CTNNA3: variants seen among roughly 807,000 people sequenced by gnomAD.
CTNNA3 encodes catenin alpha 3.
CTNNA3 carries 76 observed loss-of-function variants against 95.7 expected under a neutral mutation model. That is an observed-to-expected ratio of 0.79 (90% CI 0.66 to 0.96). The LOEUF is 0.96. CTNNA3 is among the 40% of genes least tolerant of loss of function. The probability of loss-of-function intolerance (pLI) is 0.00; values close to 1 mark genes in which losing one functional copy is unlikely to be tolerated. For synonymous variants in CTNNA3, 431 were observed against 374.4 expected (o/e 1.15, Z -1.74); for missense variants, 1,191 against 1,089.8 (o/e 1.09, Z -1.31).
chr10:65,931,653 T>C (rs944347606), intron 17 of CTNNA3, among the ~76,000 whole-genome samples: 7 of 152,196 alleles, frequency 4.6e-5, no homozygotes, highest in African/African-American at 1.4e-4. Context: ...TGGAGAAGTG[T>C]CTGTGATCGG....
chr10:66,120,107 TCTTC>T (rs2082515119), intron 13 of CTNNA3, among the ~76,000 whole-genome samples: 2 of 152,220 alleles, frequency 1.3e-5, no homozygotes, highest in African/African-American at 4.8e-5. Flanking sequence ...AAAAATTTTA[TCTTC>T]CTTCTCTTTT....
intron 9 of CTNNA3, among the ~76,000 whole-genome samples, chr10:66,639,297 C>T (rs2132372604): frequency 6.6e-6 from 1 of 152,202 alleles, no homozygotes; most frequent in Middle Eastern, 3.4e-3. Context: ...TTTATTATTT[C>T]AAGATCTGCA....
intron 7 of CTNNA3, among the ~76,000 whole-genome samples, chr10:67,015,764 G>A (rs997156364): frequency 6.6e-6 from 1 of 151,112 alleles, no homozygotes; most frequent in Non-Finnish European, 1.5e-5. Flanking sequence ...CCTATTCTTA[G>A]GATCACCAAT....
intron 13 of CTNNA3, among the ~76,000 whole-genome samples, chr10:66,203,177 C>A (rs1316160437): frequency 6.6e-6 from 1 of 152,104 alleles, no homozygotes; most frequent in African/African-American, 2.4e-5. Context: ...TATGGCCACA[C>A]TTGAAAAGGT....
intron 13 of CTNNA3, among the ~76,000 whole-genome samples, chr10:66,159,626 G>GTTT (rs34684370): frequency 6.1e-5 from 7 of 114,930 alleles, no homozygotes; most frequent in South Asian, 2.9e-4. Flanking sequence ...TTTGTTTTCT[G>GTTT]TTTTTTTTTT....
chr10:67,189,606 A>T (rs1024492985), intron 6 of CTNNA3, among the ~76,000 whole-genome samples: 4 of 138,296 alleles, frequency 2.9e-5, no homozygotes, highest in African/African-American at 5.5e-5. Flanking sequence ...TCACTAATTT[A>T]AAAAATTTTA....
intron 7 of CTNNA3, among the ~76,000 whole-genome samples, chr10:67,014,824 A>T (rs1252411870): frequency 6.6e-6 from 1 of 152,146 alleles, no homozygotes; most frequent in Non-Finnish European, 1.5e-5. Flanking sequence ...AAACATAGCT[A>T]AATGTTTACC....
intron 9 of CTNNA3, among the ~76,000 whole-genome samples, chr10:66,758,761 C>T (rs947901962): frequency 2.6e-5 from 4 of 152,062 alleles, no homozygotes; most frequent in Admixed American, 6.6e-5. Context: ...ATAGTGAAAC[C>T]TCATCTCTAC....
At position 66,605,791 on chromosome 10, in the gene CTNNA3, A is replaced by C. The variant is rs370582862; in HGVS notation, c.1374+15901T>G. 5.3e-5 allele frequency among the ~76,000 whole-genome samples: 8 copies of C among 152,312 alleles called. No individual in the cohort carries two copies. The East Asian group carries it at 1.4e-3, about 26-fold the overall frequency. ...TGTGTTGCCACCAGACCTGCCTTAC[A>C]AGAGCTTCTGAAGGAAGCACTAAAT... On this transcript the variant is annotated intron_variant, in intron 10 of 17. Transcript: ENST00000433211.
intron 7 of CTNNA3, among the ~76,000 whole-genome samples, chr10:67,074,586 G>C (rs1170392323): frequency 6.6e-6 from 1 of 151,440 alleles, no homozygotes; most frequent in Non-Finnish European, 1.5e-5. Context: ...TCCTGACCTT[G>C]TAATCCACCC....
intron 1 of CTNNA3, among the ~76,000 whole-genome samples, chr10:67,657,427 AG>A (rs1268305697): frequency 6.6e-6 from 1 of 152,220 alleles, no homozygotes; most frequent in Admixed American, 6.5e-5. Flanking sequence ...TAGACTAGAA[AG>A]AGGTAGGTTG....
At chr10:67,497,263 C>T (rs1432338325) in intron 5 of CTNNA3, among the ~76,000 whole-genome samples, 2 of 152,196 alleles carry the variant, frequency 1.3e-5, no homozygotes, top group Non-Finnish European at 2.9e-5. Context: ...GACGTGAACT[C>T]ATCCTTTTTT....
chr10:67,617,477 T>C (rs1383897477), intron 2 of CTNNA3, among the ~76,000 whole-genome samples: 1 of 152,198 alleles, frequency 6.6e-6, no homozygotes, highest in Non-Finnish European at 1.5e-5. Context: ...GGTGTATATA[T>C]GCCACATTTT....
chr10:66,195,333 C>T (rs1204112432), intron 13 of CTNNA3, among the ~76,000 whole-genome samples: 1 of 152,000 alleles, frequency 6.6e-6, no homozygotes, highest in East Asian at 1.9e-4. Flanking sequence ...ATATGATATA[C>T]CACCAGTGTG....
chr10:67,714,682 T>A (rs1841132393), intron 1 of CTNNA3, among the ~76,000 whole-genome samples: 1 of 151,972 alleles, frequency 6.6e-6, no homozygotes, highest in South Asian at 2.1e-4. Context: ...GGACATGAGG[T>A]TTGAGAGGGG....
intron 7 of CTNNA3, among the ~76,000 whole-genome samples, chr10:67,058,313 T>C (rs1161020421): frequency 6.6e-6 from 1 of 152,208 alleles, no homozygotes; most frequent in East Asian, 1.9e-4. Flanking sequence ...GAGAACTTTG[T>C]TCTAGGCTTT....
chr10:66,391,244 A>C (rs970356696), intron 11 of CTNNA3, among the ~76,000 whole-genome samples: 1 of 151,950 alleles, frequency 6.6e-6, no homozygotes, highest in African/African-American at 2.4e-5. Context: ...TTACAAGCCA[A>C]TTATCAACAA....
intron 11 of CTNNA3, among the ~76,000 whole-genome samples, chr10:66,478,550 AT>A: frequency 6.6e-6 from 1 of 152,020 alleles, no homozygotes; most frequent in East Asian, 1.9e-4. Flanking sequence ...ACTGTATGAA[AT>A]TTAAATTTTT....
intron 16 of CTNNA3, among the ~76,000 whole-genome samples, chr10:65,983,726 C>T (rs1325375288): frequency 6.6e-6 from 1 of 151,282 alleles, no homozygotes; most frequent in African/African-American, 2.4e-5. Context: ...TGAGACAATT[C>T]TGAAGTCTAA....
Sources: gnomAD v4.1 joint callset for allele counts (sites outside exome capture counted in the v4.1 genomes callset) on GRCh38, gnomAD v4.1.1 for gene constraint, MANE v1.5 for transcripts, NCBI Gene and HGNC (gene_info 2026-07-23, HGNC 2026-07-21) for gene names.